The following PTPRG variants were observed in gnomAD, a reference collection of about 807,000 sequenced individuals.
PTPRG encodes receptor-type tyrosine-protein phosphatase gamma.
In PTPRG, 102 loss-of-function variants were observed where a neutral mutation model predicts 165.3. The ratio of observed to expected loss-of-function variants is 0.62; its 90% CI spans 0.53 to 0.73. The LOEUF (loss-of-function observed/expected upper bound fraction) is 0.73. Ranked by LOEUF, PTPRG falls within the 30% of genes least tolerant of loss-of-function variation. The pLI is 0.00. For synonymous variants in PTPRG, 675 were observed against 669.5 expected (o/e 1.01, Z -0.13); for missense variants, 1,866 against 1,861.4 (o/e 1.00, Z -0.05).
chr3:62,251,979 G>A (rs760418434), intron 15 of PTPRG, among the ~76,000 whole-genome samples: 75 of 152,106 alleles, frequency 4.9e-4, no homozygotes, highest in Non-Finnish European at 8.5e-4. Flanking sequence ...TTAATAAATG[G>A]TGGTTTTCCT....
chr3:61,900,651 G>A (rs931348011), intron 2 of PTPRG, among the ~76,000 whole-genome samples: 6 of 152,284 alleles, frequency 3.9e-5, no homozygotes, highest in Middle Eastern at 3.4e-3. Context: ...CCAGGTCCAC[G>A]GATTGTAAGC....
intron 2 of PTPRG, among the ~76,000 whole-genome samples, chr3:61,758,218 C>T (rs2033698036): frequency 1.6e-5 from 2 of 124,162 alleles, no homozygotes; most frequent in South Asian, 5.0e-4. Context: ...CTCCTGGGCT[C>T]AAGCCCAGTA....
intron 5 of PTPRG, among the ~76,000 whole-genome samples, chr3:62,083,757 G>C (rs1456449801): frequency 6.6e-6 from 1 of 152,098 alleles, no homozygotes; most frequent in East Asian, 1.9e-4. Flanking sequence ...TTTCTCCCTT[G>C]GCTTCCGTCT....
At chr3:61,816,654 A>G (rs755402531) in intron 2 of PTPRG, among the ~76,000 whole-genome samples, 2 of 152,106 alleles carry the variant, frequency 1.3e-5, no homozygotes, top group Non-Finnish European at 2.9e-5. Context: ...AAAAATCCCA[A>G]TGGCTACATG....
At chr3:62,169,249 G>C (rs1046350439) in intron 8 of PTPRG, among the ~76,000 whole-genome samples, 1 of 152,098 alleles carries the variant, frequency 6.6e-6, no homozygotes, top group African/African-American at 2.4e-5. Flanking sequence ...CTTCTAGCCA[G>C]TATTTCCCTG....
At chr3:62,177,079 C>G (rs546860311) in intron 8 of PTPRG, among the ~76,000 whole-genome samples, 1 of 152,056 alleles carries the variant, frequency 6.6e-6, no homozygotes, top group South Asian at 2.1e-4. Context: ...GCTTGGGCAA[C>G]AGTGAGACCC....
At chr3:61,730,546 A>G (rs1242863885) in intron 1 of PTPRG, among the ~76,000 whole-genome samples, 1 of 152,186 alleles carries the variant, frequency 6.6e-6, no homozygotes, top group Non-Finnish European at 1.5e-5. Context: ...TGATCACAGG[A>G]GTTTGTTAAA....
Position 62,255,132 on chromosome 3 carries a change from G to GA in PTPRG, c.2478dup (p.Ala827SerfsTer13). ...TATTTTATTCCCCCCAGATGACATG[G>GA]AAGCCATTCCTGTCAAACAGTTTGT... On this transcript the variant is annotated frameshift_variant, in exon 16 of 30. Coordinates refer to ENST00000474889, the MANE Select transcript of PTPRG (RefSeq NM_002841.4). LOFTEE classifies it high-confidence loss of function. This position sits in a 1 kb window ranked among gnomAD's most constrained non-coding sequence, Gnocchi z 4.0. The GA allele has an allele frequency of 6.2e-7, 1 of 1,611,848 alleles. No homozygotes were observed. The highest frequency in any genetic ancestry group is 8.5e-7 in the Non-Finnish European group (1 of 1,178,658).
chr3:61,590,386 T>C (rs1354900292), intron 1 of PTPRG, among the ~76,000 whole-genome samples: 1 of 152,092 alleles, frequency 6.6e-6, no homozygotes, highest in East Asian at 1.9e-4. Context: ...TTAGCTGGCG[T>C]AGTGGCACGC....
intron 4 of PTPRG, among the ~76,000 whole-genome samples, chr3:62,006,113 C>A (rs11706999): frequency 0.48 from 73,082 of 151,910 alleles, 17,737 homozygotes; most frequent in Middle Eastern, 0.57. Context: ...AGCCACCATG[C>A]CCAGGCTTAT....
At position 62,060,210 on chromosome 3, in the gene PTPRG, TCA is replaced by T. The variant is rs1491165939; in HGVS notation, c.520-17952_520-17951del. Among the ~76,000 whole-genome samples the T allele has an allele frequency of 1.8e-4, 9 of 48,788 alleles. 1 individual carries two copies. In the South Asian group the frequency reaches 9.9e-3, roughly 53 times the overall value. The allele number at this position is 48,788 out of a possible 152,430, so 32.0% of individuals were successfully genotyped here. A position where few individuals can be genotyped will look rare whatever the true frequency, so the allele number is the denominator to read the frequency against. Reference sequence around the variant, plus strand: ...CTGAGCAACAGAGTGAGACCCTGTCTCAAAAAAAAAAAAAAAAAAAAATCCTT... The same window carrying T: ...CTGAGCAACAGAGTGAGACCCTGTCTAAAAAAAAAAAAAAAAAAAATCCTT... On this transcript the variant is annotated intron_variant, in intron 4 of 29. Transcript: ENST00000474889.
intron 5 of PTPRG, among the ~76,000 whole-genome samples, chr3:62,120,488 C>T (rs993977683): frequency 2.7e-5 from 2 of 74,432 alleles, no homozygotes; most frequent in Admixed American, 1.4e-4. Flanking sequence ...CAGTGGCTCA[C>T]GCCTGTAATC....
At position 62,237,014 on chromosome 3, in the gene PTPRG, G is replaced by A. The variant is rs865992920; in HGVS notation, c.2375+5703G>A. 3.3e-5 allele frequency among the ~76,000 whole-genome samples: 5 copies of A among 152,102 alleles called. No individual in the cohort carries two copies. Among genetic ancestry groups the A allele is most frequent in the Non-Finnish European group, 5.9e-5 (4 of 68,028 alleles). ...GTTTGTTTGTTAATACAGCAGTGTTGTGTGGAATTCCAGACATTTCTAATG... is the reference window on the plus strand; with the variant it reads ...GTTTGTTTGTTAATACAGCAGTGTTATGTGGAATTCCAGACATTTCTAATG... On this transcript the variant is annotated intron_variant, in intron 14 of 29. Coordinates refer to ENST00000474889, the MANE Select transcript of PTPRG (RefSeq NM_002841.4). The surrounding 1 kb of genome is among the most constrained non-coding windows in gnomAD (Gnocchi z 4.5).
intron 6 of PTPRG, among the ~76,000 whole-genome samples, chr3:62,150,075 T>C (rs2106674786): frequency 6.6e-6 from 1 of 152,322 alleles, no homozygotes; most frequent in African/African-American, 2.4e-5. Context: ...TTCTCAGTGA[T>C]CCTGCCCTTG....
In PTPRG at chr3:62,228,728, A is replaced by G. The variant is rs748683355; in HGVS notation, c.2289-2497A>G. On this transcript the variant is annotated intron_variant, in intron 13 of 29. Transcript: ENST00000474889. The surrounding 1 kb of genome is among the most constrained non-coding windows in gnomAD (Gnocchi z 4.1). ...TTTTCTGGAAGATTCTACATGTACA[A>G]AGTACAAAGGCACTGGGTCAGTCCT... Among the ~76,000 whole-genome samples, 1 of 152,180 alleles carries G rather than the reference A, an allele frequency of 6.6e-6. No individual in the cohort carries two copies. Among genetic ancestry groups the G allele is most frequent in the Non-Finnish European group, 1.5e-5 (1 of 68,026 alleles).
intron 4 of PTPRG, among the ~76,000 whole-genome samples, chr3:62,010,849 C>A (rs1161293550): frequency 6.6e-6 from 1 of 152,076 alleles, no homozygotes; most frequent in African/African-American, 2.4e-5. Context: ...TACTTTATGT[C>A]AGTTCCTGGA....
intron 1 of PTPRG, among the ~76,000 whole-genome samples, chr3:61,658,415 A>G (rs1344710315): frequency 1.3e-5 from 2 of 152,174 alleles, no homozygotes; most frequent in Non-Finnish European, 2.9e-5. Flanking sequence ...CCATAGCCAG[A>G]TAGCTACAGG....
intron 14 of PTPRG, among the ~76,000 whole-genome samples, chr3:62,231,583 G>T (rs1253778380): frequency 6.6e-6 from 1 of 151,884 alleles, no homozygotes; most frequent in Non-Finnish European, 1.5e-5. Context: ...TATGTACTGG[G>T]GGTGCTCTAT....
At chr3:61,882,717 CCTGT>C (rs1321483258) in intron 2 of PTPRG, among the ~76,000 whole-genome samples, 2 of 152,166 alleles carry the variant, frequency 1.3e-5, no homozygotes, top group Non-Finnish European at 2.9e-5. Context: ...TGCTTGTTCA[CCTGT>C]CTGTCTTTCC....
Sources: gnomAD v4.1 joint callset for allele counts (sites outside exome capture counted in the v4.1 genomes callset) on GRCh38, gnomAD v4.1.1 for gene constraint, Gnocchi (gnomAD v3.1) non-coding constraint, MANE v1.5 for transcripts, NCBI Gene and HGNC (gene_info 2026-07-23, HGNC 2026-07-21) for gene names.